The following BEAN1 variants were observed in gnomAD, a reference collection of about 807,000 sequenced individuals.
BEAN1 encodes the protein brain expressed associated with NEDD4 1.
Under a neutral mutation model 17.7 loss-of-function variants are expected in BEAN1, and 17 were observed. That is an observed-to-expected ratio of 0.96 (90% CI 0.66 to 1.44). BEAN1 has a LOEUF of 1.44. Among genes scored for constraint, BEAN1 ranks in the 40% most tolerant of loss-of-function variants. BEAN1 has a pLI of 0.00. For synonymous variants in BEAN1, 142 were observed against 151.8 expected (o/e 0.94, Z 0.47); for missense variants, 359 against 374.1 (o/e 0.96, Z 0.33).
At chr16:66,438,333 G>A (rs138003785) in intron 2 of BEAN1, among the ~76,000 whole-genome samples, 2,934 of 151,548 alleles carry the variant, frequency 0.019, 43 homozygotes, top group South Asian at 0.045. Flanking sequence ...GCAGTGAGCC[G>A]AGATCACACC....
intron 2 of BEAN1, among the ~76,000 whole-genome samples, chr16:66,438,578 G>A (rs943446000): frequency 2.0e-5 from 3 of 152,090 alleles, no homozygotes; most frequent in Non-Finnish European, 1.5e-5. Context: ...CCTCATTCGC[G>A]GAAGCCTGTA....
At chr16:66,466,132 A>G (rs1963253207) in intron 2 of BEAN1, among the ~76,000 whole-genome samples, 1 of 152,150 alleles carries the variant, frequency 6.6e-6, no homozygotes, top group Non-Finnish European at 1.5e-5. Flanking sequence ...TAATCTTTTT[A>G]AAGAACCAAC....
downstream of BEAN1, among the ~76,000 whole-genome samples, chr16:66,494,233 G>A (rs1567515882): frequency 6.6e-6 from 1 of 152,196 alleles, no homozygotes; most frequent in Non-Finnish European, 1.5e-5. Context: ...GAGAAGCAGG[G>A]CACGGGGGAA....
chr16:66,482,883 G>T (rs1234377301), downstream of BEAN1: 1 of 456,074 alleles, frequency 2.2e-6, no homozygotes, highest in East Asian at 6.9e-5. Context: ...TTCAGACAGG[G>T]TCTCACTCAG....
At chr16:66,477,774 A>G in intron 4 of BEAN1, 64 bp downstream of exon 4, 3 of 1,418,660 alleles carry the variant, frequency 2.1e-6, no homozygotes, top group African/African-American at 1.5e-5. Context: ...AGACCCCCCA[A>G]CTCCATCATG....
Position 66,473,360 on chromosome 16 carries a change from G to A in BEAN1, c.289+3495G>A, listed in dbSNP as rs950295290. Among the ~76,000 whole-genome samples, 2 of 152,174 alleles carry A rather than the reference G, an allele frequency of 1.3e-5. No individual in the cohort carries two copies. The highest frequency in any genetic ancestry group is 6.5e-5 in the Admixed American group (1 of 15,274). Reference sequence around the variant, plus strand: ...ACCCCTGTGGGGTTCCGGCCTCCCTGCCCCACTTCTGCACTCGGCTACAGC... The same window carrying A: ...ACCCCTGTGGGGTTCCGGCCTCCCTACCCCACTTCTGCACTCGGCTACAGC... On this transcript the variant is annotated intron_variant, in intron 3 of 4. Coordinates refer to ENST00000536005, the MANE Select transcript of BEAN1 (RefSeq NM_001178020.3). The surrounding 1 kb of genome is among the most constrained non-coding windows in gnomAD (Gnocchi z 4.5).
At position 66,477,557 on chromosome 16, in the gene BEAN1, C is replaced by A. The variant is rs535834864; in HGVS notation, c.290-3C>A. ...GCCCAGGCCGGTGGTCTGTTCCCTG[C>A]AGTGTCGGACGAGCACACATACAGC... On this transcript the variant is annotated splice_region_variant and splice_polypyrimidine_tract_variant and intron_variant, in intron 3 of 4. Transcript: ENST00000536005. 1.9e-6 allele frequency: 3 copies of A among 1,538,884 alleles called. No homozygotes were observed. Among genetic ancestry groups the A allele is most frequent in the African/African-American group, 2.7e-5 (2 of 73,018 alleles).
chr16:66,470,170 C>CGATAGATGGATGGATG (rs1555520550), intron 3 of BEAN1: 10 of 345,012 alleles, frequency 2.9e-5, no homozygotes, highest in African/African-American at 9.1e-5. Flanking sequence ...TCTGGTGTCT[C>CGATAGATGGATGGATG]GATGGATGGA....
chr16:66,434,432 T>C lies in BEAN1; in HGVS notation c.-82-3163T>C, dbSNP rs1961934133. 6.6e-6 allele frequency among the ~76,000 whole-genome samples: 1 copy of C among 151,884 alleles called. No homozygotes were observed. Among genetic ancestry groups the C allele is most frequent in the South Asian group, 2.1e-4 (1 of 4,804 alleles). Reference sequence around the variant, plus strand: ...AGGGTCTGATGCCACCAGGGAGTGGTTTTCTTCTGGGTCCTCCGGCAGAAA... The same window carrying C: ...AGGGTCTGATGCCACCAGGGAGTGGCTTTCTTCTGGGTCCTCCGGCAGAAA... On this transcript the variant is annotated intron_variant, in intron 1 of 4. Coordinates refer to ENST00000536005, the MANE Select transcript of BEAN1 (RefSeq NM_001178020.3). The surrounding 1 kb of genome is among the most constrained non-coding windows in gnomAD (Gnocchi z 4.3).
At position 66,469,642 on chromosome 16, in the gene BEAN1, C is replaced by G. The variant is rs1165618442; in HGVS notation, c.66C>G (p.Phe22Leu). The G allele has an allele frequency of 6.5e-7, 1 of 1,536,106 alleles. No individual in the cohort carries two copies. Among genetic ancestry groups the G allele is most frequent in the South Asian group, 1.2e-5 (1 of 84,062 alleles). The change falls in exon 3 of 5, where the codon TTC (phenylalanine) becomes TTG (leucine). Residue 22 changes from phenylalanine (F) to leucine (L), a missense_variant. Coordinates refer to ENST00000536005, the MANE Select transcript of BEAN1 (RefSeq NM_001178020.3). Reference sequence around the variant, plus strand: ...GCACCAGCTACTTCTACCCCACATTCTCAGAGAGCTCGGAGCACAGCCATC... The same window carrying G: ...GCACCAGCTACTTCTACCCCACATTGTCAGAGAGCTCGGAGCACAGCCATC... ...YNRTSYFYPTFSESSEHSHLL... is the reference protein window; with the variant it reads ...YNRTSYFYPTLSESSEHSHLL...
At chr16:66,438,079 T>G (rs1264466019) in intron 2 of BEAN1, 1 of 324,352 alleles carries the variant, frequency 3.1e-6, no homozygotes, top group Non-Finnish European at 5.9e-6. Flanking sequence ...AAGACTTTCC[T>G]GAGCTTTTAA....
At chr16:66,446,513 G>A (rs1444340252) in intron 2 of BEAN1, among the ~76,000 whole-genome samples, 1 of 152,154 alleles carries the variant, frequency 6.6e-6, no homozygotes, top group Non-Finnish European at 1.5e-5. Flanking sequence ...ATACAGGGCA[G>A]ACAGTTGGGT....
At chr16:66,446,319 T>C (rs1163896771) in intron 2 of BEAN1, among the ~76,000 whole-genome samples, 1 of 152,062 alleles carries the variant, frequency 6.6e-6, no homozygotes, top group African/African-American at 2.4e-5. Flanking sequence ...TCCAAATTCA[T>C]TGGATTTGGG....
intron 2 of BEAN1, among the ~76,000 whole-genome samples, chr16:66,467,677 T>A (rs1446403892): frequency 6.6e-6 from 1 of 151,858 alleles, no homozygotes; most frequent in African/African-American, 2.4e-5. Context: ...CATCGGAGGG[T>A]CAGGAAGCAT....
At chr16:66,492,020 G>C (rs1323347248) in intron 4 of BEAN1, among the ~76,000 whole-genome samples, 1 of 152,024 alleles carries the variant, frequency 6.6e-6, no homozygotes, top group East Asian at 1.9e-4. Context: ...CTACCAGAGA[G>C]GTTTTGTTTT....
intron 2 of BEAN1, among the ~76,000 whole-genome samples, chr16:66,469,384 G>A (rs1963378490): frequency 6.6e-6 from 1 of 152,182 alleles, no homozygotes; most frequent in African/African-American, 2.4e-5. Flanking sequence ...AGGAGAGGAG[G>A]GACAGTCAGC....
chr16:66,468,378 C>T (rs986539331), intron 2 of BEAN1, among the ~76,000 whole-genome samples: 1 of 152,244 alleles, frequency 6.6e-6, no homozygotes, highest in Non-Finnish European at 1.5e-5. Context: ...GGACCCCTCT[C>T]AGAACAGAGC....
chr16:66,434,415 A>G lies in BEAN1; in HGVS notation c.-82-3180A>G, dbSNP rs887140690. Among the ~76,000 whole-genome samples, 7 of 152,130 alleles carry G rather than the reference A, an allele frequency of 4.6e-5. No homozygotes were observed. Among genetic ancestry groups the G allele is most frequent in the Non-Finnish European group, 7.4e-5 (5 of 68,024 alleles). The stretch of plus-strand genomic sequence containing the variant: ...AAGCTCTACCCTAGCAGAGGGTCTG[A>G]TGCCACCAGGGAGTGGTTTTCTTCT... On this transcript the variant is annotated intron_variant, in intron 1 of 4. Coordinates refer to ENST00000536005, the MANE Select transcript of BEAN1 (RefSeq NM_001178020.3). The surrounding 1 kb of genome is among the most constrained non-coding windows in gnomAD (Gnocchi z 4.3).
chr16:66,474,574 G>A (rs1165593706), intron 3 of BEAN1, among the ~76,000 whole-genome samples: 2 of 57,714 alleles, frequency 3.5e-5, no homozygotes, highest in African/African-American at 2.0e-4. Context: ...GGGAGAGAGG[G>A]AGGGAGAGAG....
Sources: allele counts gnomAD v4.1 joint callset (sites outside exome capture counted in the v4.1 genomes callset), GRCh38; gene constraint gnomAD v4.1.1; non-coding constraint Gnocchi (gnomAD v3.1); transcripts MANE v1.5; gene names NCBI Gene and HGNC (gene_info 2026-07-23, HGNC 2026-07-21).